The following GPC6 variants were observed in gnomAD, a reference collection of about 807,000 sequenced individuals.
GPC6 encodes the protein glypican 6.
In GPC6, 14 loss-of-function variants were observed where a neutral mutation model predicts 55.2. The observed-to-expected ratio is 0.25, with a 90% CI of 0.17 to 0.40. The LOEUF is 0.40. Ranked by LOEUF, GPC6 falls within the 10% of genes least tolerant of loss-of-function variation. The pLI is 1.00. For missense variants in GPC6, 641 were observed against 708.5 expected (o/e 0.90, Z 1.08); for synonymous variants, 278 against 259.6 (o/e 1.07, Z -0.68).
At chr13:93,705,374 CAG>C (rs1385247032) in intron 2 of GPC6, among the ~76,000 whole-genome samples, 4 of 151,836 alleles carry the variant, frequency 2.6e-5, no homozygotes, top group African/African-American at 9.7e-5. Context: ...AGCAGCATGA[CAG>C]AGTAATTTTG....
At chr13:94,249,860 G>C (rs2139036043) in intron 4 of GPC6, among the ~76,000 whole-genome samples, 1 of 152,252 alleles carries the variant, frequency 6.6e-6, no homozygotes, top group South Asian at 2.1e-4. Context: ...GAGGTAAGTT[G>C]CAATTTGCAC....
intron 1 of GPC6, among the ~76,000 whole-genome samples, chr13:93,460,564 A>G (rs1878640135): frequency 6.6e-6 from 1 of 152,206 alleles, no homozygotes; most frequent in African/African-American, 2.4e-5. Context: ...TAGCACTAAT[A>G]TAAATTAATA....
At chr13:93,769,567 T>G (rs2138889878) in intron 2 of GPC6, among the ~76,000 whole-genome samples, 1 of 152,324 alleles carries the variant, frequency 6.6e-6, no homozygotes, top group Admixed American at 6.5e-5. Context: ...TGCACTCCTC[T>G]TCTCCTGATA....
chr13:93,256,644 C>T (rs556906208), intron 1 of GPC6, among the ~76,000 whole-genome samples: 1 of 152,180 alleles, frequency 6.6e-6, no homozygotes, highest in East Asian at 1.9e-4. Context: ...TAGAAAACAA[C>T]CTCTATGTAG....
At position 94,227,735 on chromosome 13, in the gene GPC6, C is replaced by T. The variant is rs570356069; in HGVS notation, c.878-58614C>T. On this transcript the variant is annotated intron_variant, in intron 4 of 8. Coordinates refer to ENST00000377047, the MANE Select transcript of GPC6 (RefSeq NM_005708.5). ...TCAGAACAAAGGTTTATTTCTCACT[C>T]AAGCTACCTGTCCATCCATGCTGGC... Among the ~76,000 whole-genome samples, 417 of 152,242 alleles carry T rather than the reference C, an allele frequency of 2.7e-3. 4 individuals carry two copies. Among genetic ancestry groups the T allele is most frequent in the Non-Finnish European group, 2.1e-3 (145 of 68,014 alleles).
intron 3 of GPC6, among the ~76,000 whole-genome samples, chr13:93,937,875 G>A (rs1878518445): frequency 6.6e-6 from 1 of 152,132 alleles, no homozygotes; most frequent in Non-Finnish European, 1.5e-5. Flanking sequence ...ACCACGCCTG[G>A]CTATTACTAC....
At chr13:93,717,143 C>T (rs557763922) in intron 2 of GPC6, among the ~76,000 whole-genome samples, 2 of 151,380 alleles carry the variant, frequency 1.3e-5, no homozygotes, top group East Asian at 2.0e-4. Context: ...TGCATGGGTG[C>T]GCACACACAC....
intron 3 of GPC6, among the ~76,000 whole-genome samples, chr13:93,933,282 G>A (rs550235777): frequency 3.3e-5 from 5 of 152,160 alleles, no homozygotes; most frequent in Middle Eastern, 3.4e-3. Flanking sequence ...TCCTACTGGC[G>A]TCTACTTAGT....
At chr13:93,571,529 G>A (rs192016481) in intron 2 of GPC6, among the ~76,000 whole-genome samples, 393 of 152,228 alleles carry the variant, frequency 2.6e-3, no homozygotes, top group Non-Finnish European at 4.1e-3. Context: ...TACAATGACT[G>A]TTTCAAGATG....
intron 6 of GPC6, among the ~76,000 whole-genome samples, chr13:94,349,397 T>G (rs1313856922): frequency 1.3e-5 from 2 of 152,150 alleles, no homozygotes; most frequent in Non-Finnish European, 2.9e-5. Context: ...CATCTCCAAC[T>G]TTTTTTGACA....
intron 1 of GPC6, among the ~76,000 whole-genome samples, chr13:93,283,515 T>A (rs1436671292): frequency 1.3e-5 from 2 of 152,162 alleles, no homozygotes; most frequent in Non-Finnish European, 2.9e-5. Context: ...TAAACTCATA[T>A]GACAAATGGT....
chr13:93,339,696 G>A (rs981466478), intron 1 of GPC6, among the ~76,000 whole-genome samples: 1 of 152,174 alleles, frequency 6.6e-6, no homozygotes, highest in Admixed American at 6.5e-5. Flanking sequence ...ACTCATGCTT[G>A]TTTGTATTGC....
chr13:93,610,513 G>A (rs992395797), intron 2 of GPC6, among the ~76,000 whole-genome samples: 1 of 152,072 alleles, frequency 6.6e-6, no homozygotes, highest in African/African-American at 2.4e-5. Flanking sequence ...CAAGGGAAGC[G>A]TATCAGGAGA....
At chr13:93,858,379 T>C (rs946558268) in intron 3 of GPC6, among the ~76,000 whole-genome samples, 1 of 151,580 alleles carries the variant, frequency 6.6e-6, no homozygotes, top group Admixed American at 6.6e-5. Context: ...GTTTGCCATT[T>C]TAGGTCCCAT....
At chr13:93,604,866 A>C (rs572266394) in intron 2 of GPC6, among the ~76,000 whole-genome samples, 1 of 152,224 alleles carries the variant, frequency 6.6e-6, no homozygotes, top group East Asian at 1.9e-4. Flanking sequence ...ATGAATAAAC[A>C]CAGGTGTTTG....
chr13:94,316,361 A>C (rs1876528998), intron 6 of GPC6, among the ~76,000 whole-genome samples: 1 of 152,188 alleles, frequency 6.6e-6, no homozygotes, highest in African/African-American at 2.4e-5. Flanking sequence ...CCAAATCTGA[A>C]GGCAGTGTCT....
intron 2 of GPC6, among the ~76,000 whole-genome samples, chr13:93,814,076 G>A (rs928986978): frequency 5.9e-5 from 9 of 152,164 alleles, no homozygotes; most frequent in Non-Finnish European, 1.2e-4. Context: ...GGAGGTATCT[G>A]CAGGCTCATA....
chr13:94,113,199 G>A (rs1373538975), intron 4 of GPC6, among the ~76,000 whole-genome samples: 8 of 152,028 alleles, frequency 5.3e-5, no homozygotes, highest in South Asian at 2.1e-4. Context: ...TAAACTCCAC[G>A]TGACAGACTT....
intron 1 of GPC6, among the ~76,000 whole-genome samples, chr13:93,426,440 T>A (rs1877130995): frequency 7.1e-6 from 1 of 141,778 alleles, no homozygotes; most frequent in Non-Finnish European, 1.5e-5. Flanking sequence ...CCTGTGTCCA[T>A]GTGTTCTCAT....
Sources: allele counts gnomAD v4.1 joint callset (sites outside exome capture counted in the v4.1 genomes callset), GRCh38; gene constraint gnomAD v4.1.1; transcripts MANE v1.5; gene names NCBI Gene and HGNC (gene_info 2026-07-23, HGNC 2026-07-21).